GPD2: variants seen among roughly 807,000 people sequenced by gnomAD.
GPD2 encodes glycerol-3-phosphate dehydrogenase 2.
In GPD2, 54 loss-of-function variants were observed where a neutral mutation model predicts 82.4. The observed-to-expected ratio is 0.66, with a 90% CI of 0.53 to 0.82. The LOEUF is 0.82. Ranked by LOEUF, GPD2 falls within the 40% of genes least tolerant of loss-of-function variation. The pLI is 0.00. For synonymous variants in GPD2, 288 were observed against 306.1 expected, an observed-to-expected ratio of 0.94 and a Z score of 0.62; for missense variants, 748 against 896.2, an observed-to-expected ratio of 0.83 and a Z score of 2.11.
upstream of GPD2, among the ~76,000 whole-genome samples, chr2:156,434,772 G>C (rs1411385502): frequency 1.3e-5 from 2 of 152,146 alleles, no homozygotes; most frequent in East Asian, 3.8e-4. Flanking sequence ...ACTTTAATGT[G>C]CATCAGAACT....
intron 7 of GPD2, 127 bp from the exon 8 acceptor site, chr2:156,550,475 C>T: frequency 1.1e-6 from 1 of 930,976 alleles, no homozygotes; most frequent in East Asian, 2.4e-5. Context: ...TTGAGCTGCT[C>T]AGGTCACTTA....
chr2:156,435,117 C>T (rs1212881775), upstream of GPD2, among the ~76,000 whole-genome samples: 3 of 152,010 alleles, frequency 2.0e-5, no homozygotes, highest in Non-Finnish European at 4.4e-5. Context: ...TATATGCATT[C>T]CTCTGGGTCA....
chr2:156,517,754 A>T (rs1439464780), intron 6 of GPD2, among the ~76,000 whole-genome samples: 1 of 149,446 alleles, frequency 6.7e-6, no homozygotes, highest in Non-Finnish European at 1.5e-5. Flanking sequence ...TCAGGAACTT[A>T]TTTTTTTTTT....
chr2:156,522,988 C>T (rs1685466485), intron 6 of GPD2, among the ~76,000 whole-genome samples: 1 of 151,428 alleles, frequency 6.6e-6, no homozygotes, highest in Admixed American at 6.6e-5. Context: ...GGTACAGAGA[C>T]TTCCTCTTTC....
chr2:156,508,571 G>T (rs549370653), intron 3 of GPD2, among the ~76,000 whole-genome samples: 9 of 152,156 alleles, frequency 5.9e-5, no homozygotes, highest in African/African-American at 2.2e-4. Flanking sequence ...GGGGGAGGCT[G>T]CTTGTCCTCT....
At chr2:156,482,753 G>T (rs984325197) in intron 2 of GPD2, among the ~76,000 whole-genome samples, 1 of 152,136 alleles carries the variant, frequency 6.6e-6, no homozygotes, top group Non-Finnish European at 1.5e-5. Context: ...CTCTATGCTT[G>T]TGAGTGGCTT....
At chr2:156,476,288 C>G in intron 2 of GPD2, 81 bp downstream of exon 2, 1 of 812,252 alleles carries the variant, frequency 1.2e-6, no homozygotes, top group Non-Finnish European at 2.2e-6. Context: ...TGTGCACTAA[C>G]GGTTTTGTTT....
At chr2:156,518,712 C>A (rs542996944) in intron 6 of GPD2, among the ~76,000 whole-genome samples, 13 of 152,266 alleles carry the variant, frequency 8.5e-5, no homozygotes, top group Admixed American at 8.5e-4. Context: ...GTTCCTGGAA[C>A]ATAAGTAAAA....
intron 9 of GPD2, among the ~76,000 whole-genome samples, chr2:156,567,716 A>G (rs574884143): frequency 1.3e-5 from 2 of 152,256 alleles, no homozygotes; most frequent in African/African-American, 4.8e-5. Flanking sequence ...GCTGGTCTAC[A>G]TGAAGAAGGG....
At chr2:156,553,855 A>G (rs1043587041) in intron 8 of GPD2, among the ~76,000 whole-genome samples, 1 of 152,220 alleles carries the variant, frequency 6.6e-6, no homozygotes, top group Non-Finnish European at 1.5e-5. Context: ...AAAATTCAGC[A>G]TTAGCTTTAG....
At chr2:156,552,175 G>A (rs145787918) in intron 8 of GPD2, among the ~76,000 whole-genome samples, 6 of 152,176 alleles carry the variant, frequency 3.9e-5, no homozygotes, top group East Asian at 1.9e-4. Flanking sequence ...TTTCCTTTGC[G>A]TTTTCAAAAT....
chr2:156,409,296 T>C, the GPD2 span, among the ~76,000 whole-genome samples: 1 of 152,360 alleles, frequency 6.6e-6, no homozygotes, highest in East Asian at 1.9e-4. Flanking sequence ...TAGTCTTACA[T>C]TTTTGACTTG....
intron 1 of GPD2, among the ~76,000 whole-genome samples, chr2:156,456,819 G>C (rs939710254): frequency 6.6e-6 from 1 of 152,114 alleles, no homozygotes; most frequent in South Asian, 2.1e-4. Context: ...GGGAGAGTCT[G>C]AGCAATAAGG....
At chr2:156,550,413 G>A (rs1686711752) in intron 7 of GPD2, among the ~76,000 whole-genome samples, 189 bp from the exon 8 acceptor site, 2 of 152,174 alleles carry the variant, frequency 1.3e-5, no homozygotes. Flanking sequence ...ATTCCGACTT[G>A]TTTTTGGTAA....
chr2:156,439,473 T>A (rs1264143501), intron 1 of GPD2, among the ~76,000 whole-genome samples: 5 of 122,140 alleles, frequency 4.1e-5, no homozygotes, highest in Non-Finnish European at 8.0e-5. Flanking sequence ...TCCCAGCTAC[T>A]TAGGAGGCCA....
At chr2:156,451,672 G>C (rs1400266502) in intron 1 of GPD2, among the ~76,000 whole-genome samples, 1 of 142,044 alleles carries the variant, frequency 7.0e-6, no homozygotes, top group Admixed American at 6.8e-5. Context: ...CCTCCCGGAC[G>C]GGGCAGCTGG....
chr2:156,510,573 A>T (rs1684958855), intron 3 of GPD2, among the ~76,000 whole-genome samples: 1 of 152,216 alleles, frequency 6.6e-6, no homozygotes, highest in East Asian at 1.9e-4. Flanking sequence ...GTTGTGATTC[A>T]TTCACAGCTT....
chr2:156,583,234 T>G lies in GPD2; in HGVS notation c.*316T>G. The G allele has an allele frequency of 2.9e-6, 1 of 345,404 alleles. No homozygotes were observed. Among genetic ancestry groups the G allele is most frequent in the Non-Finnish European group, 5.6e-6 (1 of 178,828 alleles). 21.4% of individuals were successfully genotyped at this position (345,404 alleles called of 1,614,324 possible). ...TTTTTGTTTATTCCCTTATTCTAAA[T>G]GAGTTCTAAAAACATAATATTTTGG... On this transcript the variant is annotated 3_prime_UTR_variant, in exon 17 of 17. Coordinates refer to ENST00000438166, the MANE Select transcript of GPD2 (RefSeq NM_000408.5).
chr2:156,461,046 A>C (rs1682969727), intron 1 of GPD2, among the ~76,000 whole-genome samples: 1 of 152,060 alleles, frequency 6.6e-6, no homozygotes, highest in South Asian at 2.1e-4. Context: ...GTGTCATTTG[A>C]ATATGCCAAG....
Sources: gnomAD v4.1 joint callset for allele counts (sites outside exome capture counted in the v4.1 genomes callset) on GRCh38, gnomAD v4.1.1 for gene constraint, MANE v1.5 for transcripts, NCBI Gene and HGNC (gene_info 2026-07-23, HGNC 2026-07-21) for gene names.